Variants in PDE4B observed in about 807,000 individuals in gnomAD.
PDE4B encodes the protein phosphodiesterase 4B, also known as 3',5'-cyclic-AMP phosphodiesterase 4B.
PDE4B carries 20 observed loss-of-function variants against 82.2 expected under a neutral mutation model. The observed-to-expected ratio is 0.24, with a 90% CI of 0.17 to 0.35. PDE4B has a LOEUF of 0.35. PDE4B is among the 10% of genes least tolerant of loss of function. The probability of loss-of-function intolerance (pLI) is 1.00; values close to 1 mark genes in which losing one functional copy is unlikely to be tolerated. For missense variants in PDE4B, 655 were observed against 907.2 expected (o/e 0.72, Z 3.57); for synonymous variants, 320 against 318.9 (o/e 1.00, Z -0.04).
chr1:65,903,913 A>G (rs549848549), intron 1 of PDE4B, among the ~76,000 whole-genome samples: 14 of 152,336 alleles, frequency 9.2e-5, no homozygotes, highest in Middle Eastern at 3.4e-3. Flanking sequence ...CAGTTAAGCC[A>G]GTAAATATTA....
intron 3 of PDE4B, among the ~76,000 whole-genome samples, chr1:66,043,192 C>T (rs1489671030): frequency 6.6e-6 from 1 of 151,724 alleles, no homozygotes; most frequent in Non-Finnish European, 1.5e-5. Context: ...AGCTACTTCC[C>T]TTAGAAGGAG....
chr1:66,338,432 C>T (rs1368260591), intron 8 of PDE4B, among the ~76,000 whole-genome samples: 1 of 152,204 alleles, frequency 6.6e-6, no homozygotes, highest in Non-Finnish European at 1.5e-5. Flanking sequence ...TACTCACAGC[C>T]TCTAGGATGG....
At chr1:65,793,881 C>T (rs1026843373) in intron 1 of PDE4B, among the ~76,000 whole-genome samples, 17 of 152,236 alleles carry the variant, frequency 1.1e-4, no homozygotes, top group Non-Finnish European at 2.1e-4. Context: ...TGCCTACTCT[C>T]TTCTTCCATC....
At chr1:65,816,966 G>T (rs188285506) in intron 1 of PDE4B, among the ~76,000 whole-genome samples, 1 of 152,302 alleles carries the variant, frequency 6.6e-6, no homozygotes, top group African/African-American at 2.4e-5. Context: ...CTCCAGACTT[G>T]TAGCTGAGGT....
intron 1 of PDE4B, among the ~76,000 whole-genome samples, chr1:65,883,686 A>G (rs933818641): frequency 1.3e-5 from 2 of 152,148 alleles, no homozygotes; most frequent in Non-Finnish European, 2.9e-5. Context: ...AGAACTTCCA[A>G]CACTATGTTG....
At chr1:66,327,078 G>A (rs566581932) in intron 7 of PDE4B, among the ~76,000 whole-genome samples, 2 of 152,200 alleles carry the variant, frequency 1.3e-5, no homozygotes, top group South Asian at 4.2e-4. Context: ...TTCTAACTAT[G>A]AGCAACTAGC....
At chr1:66,312,280 C>A (rs1054551849) in intron 7 of PDE4B, among the ~76,000 whole-genome samples, 14 of 152,284 alleles carry the variant, frequency 9.2e-5, no homozygotes, top group Non-Finnish European at 1.6e-4. Context: ...CCTATTACTG[C>A]AATAAATATT....
intron 3 of PDE4B, among the ~76,000 whole-genome samples, chr1:65,998,981 C>G (rs879791813): frequency 6.6e-6 from 1 of 152,042 alleles, no homozygotes; most frequent in African/African-American, 2.4e-5. Flanking sequence ...AGCATTTTAT[C>G]AGTACATCTA....
At position 66,274,327 on chromosome 1, in the gene PDE4B, A is replaced by AT. The variant is rs34185918; in HGVS notation, c.634+8255dup. ...AGGTATGCGTCACAACACCCAGCTA[A>AT]TTTTTTTTTTTTTTTATATATTTTT... On this transcript the variant is annotated intron_variant, in intron 7 of 16. Transcript: ENST00000341517. 4.6e-3 allele frequency among the ~76,000 whole-genome samples: 687 copies of AT among 147,954 alleles called. 5 individuals carry two copies. The highest frequency in any genetic ancestry group is 9.5e-3 in the African/African-American group (380 of 40,108).
At chr1:66,371,325 C>T (rs1347705897) in intron 16 of PDE4B, among the ~76,000 whole-genome samples, 2 of 151,748 alleles carry the variant, frequency 1.3e-5, no homozygotes, top group African/African-American at 2.4e-5. Flanking sequence ...TGCAGCATCT[C>T]TGTAGCTCCC....
At chr1:65,853,770 C>T (rs1007271227) in intron 1 of PDE4B, among the ~76,000 whole-genome samples, 35 of 152,038 alleles carry the variant, frequency 2.3e-4, no homozygotes, top group Admixed American at 1.6e-3. Context: ...CCTCGTGATC[C>T]GCCCACCTCA....
At chr1:65,878,562 T>C (rs1646674813) in intron 1 of PDE4B, among the ~76,000 whole-genome samples, 1 of 152,214 alleles carries the variant, frequency 6.6e-6, no homozygotes, top group Non-Finnish European at 1.5e-5. Context: ...TAAAAAAGGA[T>C]GAGTTCATGT....
chr1:66,248,556 G>A (rs963072697), intron 4 of PDE4B, among the ~76,000 whole-genome samples: 12 of 152,140 alleles, frequency 7.9e-5, no homozygotes, highest in Non-Finnish European at 1.2e-4. Context: ...TTTAATAGAC[G>A]CACCCCTGCC....
chr1:65,837,880 T>G (rs1646159908), intron 1 of PDE4B, among the ~76,000 whole-genome samples: 1 of 152,236 alleles, frequency 6.6e-6, no homozygotes, highest in Admixed American at 6.5e-5. Flanking sequence ...CATTAGTTAT[T>G]TTTCTACCTC....
At chr1:66,095,760 G>T (rs1645102019) in intron 3 of PDE4B, among the ~76,000 whole-genome samples, 1 of 151,854 alleles carries the variant, frequency 6.6e-6, no homozygotes, top group South Asian at 2.1e-4. Context: ...TTTGTTTCTT[G>T]TTTGATTGTT....
chr1:66,260,891 G>A (rs1377123139), intron 6 of PDE4B, among the ~76,000 whole-genome samples: 1 of 152,154 alleles, frequency 6.6e-6, no homozygotes, highest in East Asian at 1.9e-4. Flanking sequence ...GGCCCCTTGT[G>A]TCACCCTTGG....
intron 3 of PDE4B, among the ~76,000 whole-genome samples, chr1:66,090,279 A>G (rs1265274903): frequency 1.3e-5 from 2 of 152,028 alleles, no homozygotes; most frequent in Non-Finnish European, 1.5e-5. Context: ...GACGAGCTAT[A>G]AAGCTATAAA....
In PDE4B at chr1:66,100,546, T is replaced by C. The variant is rs142300938; in HGVS notation, c.282-146914T>C. 3.3e-3 allele frequency among the ~76,000 whole-genome samples: 495 copies of C among 152,286 alleles called. 5 individuals carry two copies. Among genetic ancestry groups the C allele is most frequent in the Non-Finnish European group, 3.2e-3 (218 of 68,016 alleles). On this transcript the variant is annotated intron_variant, in intron 3 of 16. Transcript: ENST00000341517. ...GAATCCTCTATGATTAATCTAATCA[T>C]AGATATGTTTAAGTTTAGCCTGAAT...
chr1:66,311,461 G>C (rs964296486), intron 7 of PDE4B, among the ~76,000 whole-genome samples: 4 of 152,260 alleles, frequency 2.6e-5, no homozygotes, highest in African/African-American at 9.6e-5. Flanking sequence ...CATCTATGGA[G>C]CAGAAAGCAC....
Sources: gnomAD v4.1 joint callset for allele counts (sites outside exome capture counted in the v4.1 genomes callset) on GRCh38, gnomAD v4.1.1 for gene constraint, MANE v1.5 for transcripts, NCBI Gene and HGNC (gene_info 2026-07-23, HGNC 2026-07-21) for gene names.